DNER: variants seen among roughly 807,000 people sequenced by gnomAD.
DNER encodes delta/notch like EGF repeat containing.
A neutral mutation model predicts 78.2 loss-of-function variants in DNER; 33 were observed. That is an observed-to-expected ratio of 0.42 (90% CI 0.32 to 0.56). The LOEUF (loss-of-function observed/expected upper bound fraction) is 0.56. Ranked by LOEUF, DNER falls within the 20% of genes least tolerant of loss-of-function variation. DNER has a pLI of 0.11. For missense variants in DNER, 918 were observed against 975.3 expected (o/e 0.94, Z 0.78); for synonymous variants, 417 against 384.8 (o/e 1.08, Z -0.98).
intron 7 of DNER, among the ~76,000 whole-genome samples, chr2:229,457,571 G>GA (rs1694603227): frequency 6.6e-6 from 1 of 151,888 alleles, no homozygotes; most frequent in East Asian, 1.9e-4. Flanking sequence ...AGCCAGTTAA[G>GA]AAAATAGTAT....
chr2:229,648,994 T>G (rs185211313), intron 1 of DNER, among the ~76,000 whole-genome samples: 10 of 152,274 alleles, frequency 6.6e-5, no homozygotes, highest in Admixed American at 4.6e-4. Flanking sequence ...ACCTGTGTAG[T>G]GAGGCCAAAA....
intron 10 of DNER, among the ~76,000 whole-genome samples, chr2:229,406,316 C>T (rs572747249): frequency 6.6e-6 from 1 of 152,150 alleles, no homozygotes; most frequent in African/African-American, 2.4e-5. Flanking sequence ...CATCCTCTTC[C>T]AATTTGCAAT....
chr2:229,431,691 C>T (rs1258928225), intron 8 of DNER, among the ~76,000 whole-genome samples: 2 of 148,812 alleles, frequency 1.3e-5, no homozygotes, highest in East Asian at 2.0e-4. Flanking sequence ...TGCTAAATGA[C>T]GAGTTAATGG....
intron 5 of DNER, among the ~76,000 whole-genome samples, chr2:229,533,657 A>G (rs868089964): frequency 6.6e-6 from 1 of 152,164 alleles, no homozygotes. Context: ...CACTTGGGCC[A>G]TCGTTCACCG....
At chr2:229,417,742 T>G (rs918554367) in intron 9 of DNER, among the ~76,000 whole-genome samples, 59 of 152,152 alleles carry the variant, frequency 3.9e-4, no homozygotes, top group African/African-American at 1.2e-3. Flanking sequence ...ATTCTATCTC[T>G]GCATAAGAAG....
chr2:229,544,280 A>T (rs981495493), intron 5 of DNER, among the ~76,000 whole-genome samples: 7 of 152,154 alleles, frequency 4.6e-5, no homozygotes, highest in African/African-American at 1.7e-4. Flanking sequence ...TGTAAAGGGC[A>T]GGCTTGGCCT....
At chr2:229,522,429 C>T (rs74646914) in intron 5 of DNER, among the ~76,000 whole-genome samples, 2,032 of 152,268 alleles carry the variant, frequency 0.013, 47 homozygotes, top group African/African-American at 0.046. Context: ...TTTGCCGCAA[C>T]GTTCTAATCC....
intron 7 of DNER, among the ~76,000 whole-genome samples, chr2:229,460,851 C>G (rs192091569): frequency 4.9e-5 from 7 of 143,756 alleles, no homozygotes; most frequent in African/African-American, 8.4e-5. Context: ...CAAAATTTAA[C>G]GGAGACCACA....
intron 1 of DNER, among the ~76,000 whole-genome samples, chr2:229,604,385 C>T (rs907468775): frequency 3.3e-5 from 5 of 152,218 alleles, no homozygotes; most frequent in African/African-American, 1.2e-4. Context: ...GACCCCATTG[C>T]TTTCTAAATC....
chr2:229,383,345 C>T (rs1422864393), intron 11 of DNER, among the ~76,000 whole-genome samples: 1 of 152,186 alleles, frequency 6.6e-6, no homozygotes, highest in Non-Finnish European at 1.5e-5. Flanking sequence ...TATGAAAAAA[C>T]TGTATCAACT....
chr2:229,515,635 C>CTTTTTTTTTTTTTTTTTTTTTTTTTT (rs1409850665), intron 5 of DNER, among the ~76,000 whole-genome samples: 1 of 123,252 alleles, frequency 8.1e-6, no homozygotes. Flanking sequence ...TTCAAGTTAG[C>CTTTTTTTTTTTTTTTTTTTTTTTTTT]TTTATTTTTT....
chr2:229,465,314 G>T (rs1221739230), intron 7 of DNER, among the ~76,000 whole-genome samples: 1 of 152,178 alleles, frequency 6.6e-6, no homozygotes, highest in Non-Finnish European at 1.5e-5. Context: ...ATTGTCTTCA[G>T]CAAACTAATG....
chr2:229,364,387 A>C (rs1345681383), intron 12 of DNER, among the ~76,000 whole-genome samples: 1 of 152,130 alleles, frequency 6.6e-6, no homozygotes, highest in Non-Finnish European at 1.5e-5. Flanking sequence ...GAGACATAGA[A>C]ATAAAAGCTA....
At chr2:229,391,366 C>T (rs1053504997) in intron 10 of DNER, among the ~76,000 whole-genome samples, 1 of 152,056 alleles carries the variant, frequency 6.6e-6, no homozygotes, top group Admixed American at 6.6e-5. Context: ...CTGCCCTGAG[C>T]CAATTGACCT....
intron 11 of DNER, among the ~76,000 whole-genome samples, chr2:229,371,635 G>A (rs977660267): frequency 1.3e-5 from 2 of 152,214 alleles, no homozygotes; most frequent in Non-Finnish European, 2.9e-5. Flanking sequence ...CTCAAGGTGA[G>A]GCAGACAGTC....
intron 1 of DNER, among the ~76,000 whole-genome samples, chr2:229,668,420 A>ATATATATATATATATATATATACACT (rs1191416311): frequency 8.0e-3 from 11 of 1,370 alleles, no homozygotes; most frequent in Non-Finnish European, 0.075. Flanking sequence ...ATATTCTTTT[A>ATATATATATATATATATATATACACT]TATATATATA....
intron 5 of DNER, among the ~76,000 whole-genome samples, chr2:229,537,029 A>T (rs938405745): frequency 3.9e-5 from 6 of 152,186 alleles, no homozygotes; most frequent in Non-Finnish European, 5.9e-5. Flanking sequence ...CTGAAAGGTC[A>T]TGAGACCCCT....
intron 4 of DNER, among the ~76,000 whole-genome samples, chr2:229,576,328 CTTTTTTTT>C (rs61419138): frequency 8.5e-6 from 1 of 118,114 alleles, no homozygotes; most frequent in Non-Finnish European, 1.8e-5. Flanking sequence ...GTTTCTCTCT[CTTTTTTTT>C]TTTTTTTTTT....
At chr2:229,570,705 G>T (rs564945849) in intron 4 of DNER, among the ~76,000 whole-genome samples, 1 of 152,108 alleles carries the variant, frequency 6.6e-6, no homozygotes, top group African/African-American at 2.4e-5. Flanking sequence ...TGAGGGGCAC[G>T]AGAGGAGAAG....
Sources: gnomAD v4.1 joint callset for allele counts (sites outside exome capture counted in the v4.1 genomes callset) on GRCh38, gnomAD v4.1.1 for gene constraint, MANE v1.5 for transcripts, NCBI Gene and HGNC (gene_info 2026-07-23, HGNC 2026-07-21) for gene names.